Variants in LRBA observed in about 807,000 individuals in gnomAD.
LRBA encodes LPS responsive beige-like anchor protein, also known as lipopolysaccharide-responsive and beige-like anchor protein.
In LRBA, 176 loss-of-function variants were observed where a neutral mutation model predicts 330.0. That is an observed-to-expected ratio of 0.53 (90% CI 0.47 to 0.60). LRBA has a LOEUF of 0.60. Ranked by LOEUF, LRBA falls within the 20% of genes least tolerant of loss-of-function variation. The pLI, the probability that LRBA is intolerant of heterozygous loss-of-function variation, is 0.00. For synonymous variants in LRBA, 1,230 were observed against 1,193.0 expected, an observed-to-expected ratio of 1.03 and a Z score of -0.64; for missense variants, 3,259 against 3,444.8, an observed-to-expected ratio of 0.95 and a Z score of 1.35.
At chr4:151,002,029 C>T (rs1377764458) in intron 2 of LRBA, among the ~76,000 whole-genome samples, 1 of 151,874 alleles carries the variant, frequency 6.6e-6, no homozygotes, top group Non-Finnish European at 1.5e-5. Flanking sequence ...GACTATACTA[C>T]CACACAGACC....
At chr4:150,585,244 A>G (rs1359213153) in intron 40 of LRBA, among the ~76,000 whole-genome samples, 2 of 152,168 alleles carry the variant, frequency 1.3e-5, no homozygotes, top group Non-Finnish European at 2.9e-5. Flanking sequence ...TCCTCTCCCC[A>G]AGCATATGGT....
Position 150,513,509 on chromosome 4 carries a change from C to T in LRBA, c.6331-22474G>A, listed in dbSNP as rs563857401. On this transcript the variant is annotated intron_variant, in intron 40 of 56. Coordinates refer to ENST00000651943, the MANE Select transcript of LRBA (RefSeq NM_001364905.1). ...CTGGGTCCTCATTGGGAACACAGCA[C>T]CCACCTGGGTCTGTTCATGATGCCC... Among the ~76,000 whole-genome samples the T allele has an allele frequency of 4.6e-5, 7 of 152,248 alleles. No individual in the cohort carries two copies. In the South Asian group the frequency reaches 1.5e-3, roughly 32 times the overall value.
At chr4:150,423,128 T>C in intron 46 of LRBA, 1 of 910,130 alleles carries the variant, frequency 1.1e-6, no homozygotes, top group South Asian at 1.3e-5. Context: ...GCCAGGAAGC[T>C]ACCACCACCA....
chr4:150,937,267 G>A (rs1735175204), intron 2 of LRBA, among the ~76,000 whole-genome samples: 1 of 152,066 alleles, frequency 6.6e-6, no homozygotes, highest in African/African-American at 2.4e-5. Context: ...TCTACAGTAT[G>A]TCATGTTAAC....
At chr4:150,449,567 G>C (rs1409349703) in intron 44 of LRBA, among the ~76,000 whole-genome samples, 2 of 150,906 alleles carry the variant, frequency 1.3e-5, no homozygotes, top group Non-Finnish European at 2.9e-5. Context: ...AAATGCCTCT[G>C]TGGCACAGGC....
At chr4:150,325,553 A>C (rs1399274896) in intron 49 of LRBA, among the ~76,000 whole-genome samples, 1 of 152,150 alleles carries the variant, frequency 6.6e-6, no homozygotes, top group East Asian at 1.9e-4. Flanking sequence ...GATTCATGAC[A>C]ATTATGGACC....
intron 56 of LRBA, 69 bp downstream of exon 56, chr4:150,277,784 A>T: frequency 6.7e-7 from 1 of 1,486,502 alleles, no homozygotes; most frequent in Non-Finnish European, 9.3e-7. Context: ...TTACAGGTGT[A>T]AGCCAACACG....
intron 16 of LRBA, among the ~76,000 whole-genome samples, chr4:150,896,084 A>G (rs1034490699): frequency 6.6e-6 from 1 of 152,156 alleles, no homozygotes; most frequent in African/African-American, 2.4e-5. Context: ...TCATTTTCGT[A>G]ATCTATTTTT....
In LRBA at chr4:150,852,555, GA is replaced by G; in HGVS notation, c.3154del (p.Ser1052LeufsTer3). 6.2e-7 allele frequency: 1 copy of G among 1,613,874 alleles called. No individual in the cohort carries two copies. The highest frequency in any genetic ancestry group is 2.2e-5 in the East Asian group (1 of 44,866). ...TRNADDLEVS[S>X]DIIEAVAISS... ...AATAGCCACAGCTTCTATTATGTCA[GA>G]AGATACTTCTAAATCATCTGCATTC... On this transcript the variant is annotated frameshift_variant, in exon 23 of 57. Transcript: ENST00000651943. LOFTEE classifies it high-confidence loss of function.
At chr4:150,576,965 A>AG (rs1241999829) in intron 40 of LRBA, among the ~76,000 whole-genome samples, 5 of 151,942 alleles carry the variant, frequency 3.3e-5, no homozygotes, top group South Asian at 2.1e-4. Flanking sequence ...CTATTTTGTG[A>AG]GGGGGGAAGA....
intron 40 of LRBA, among the ~76,000 whole-genome samples, chr4:150,509,189 T>C (rs1761528162): frequency 6.6e-6 from 1 of 152,034 alleles, no homozygotes; most frequent in Non-Finnish European, 1.5e-5. Context: ...TATTAAAACA[T>C]CACACAGTAC....
At chr4:150,711,798 G>T (rs999184301) in intron 36 of LRBA, among the ~76,000 whole-genome samples, 3 of 152,086 alleles carry the variant, frequency 2.0e-5, no homozygotes, top group African/African-American at 4.8e-5. Flanking sequence ...TGATAATTGG[G>T]ACACAAAGTG....
At chr4:150,837,049 T>G (rs552575503) in intron 28 of LRBA, among the ~76,000 whole-genome samples, 2 of 152,364 alleles carry the variant, frequency 1.3e-5, no homozygotes, top group African/African-American at 4.8e-5. Flanking sequence ...CATTTTGTTA[T>G]GTACCCAGTA....
intron 52 of LRBA, among the ~76,000 whole-genome samples, chr4:150,307,039 T>A (rs965936860): frequency 3.9e-5 from 6 of 152,070 alleles, no homozygotes; most frequent in African/African-American, 1.4e-4. Flanking sequence ...TAAAATTGTG[T>A]GAATATAGGA....
chr4:150,869,519 T>C (rs762759616), intron 20 of LRBA, among the ~76,000 whole-genome samples: 14 of 151,836 alleles, frequency 9.2e-5, no homozygotes, highest in Non-Finnish European at 1.6e-4. Context: ...CGAAATCCCA[T>C]CTCCACAAAA....
At chr4:150,866,551 A>C (rs563943444) in intron 22 of LRBA, among the ~76,000 whole-genome samples, 1 of 152,348 alleles carries the variant, frequency 6.6e-6, no homozygotes, top group South Asian at 2.1e-4. Flanking sequence ...AAACTGATAC[A>C]CTACTTTAGA....
intron 44 of LRBA, among the ~76,000 whole-genome samples, chr4:150,450,908 G>A (rs994096412): frequency 1.3e-5 from 2 of 152,050 alleles, no homozygotes; most frequent in African/African-American, 2.4e-5. Context: ...GCACATGCCT[G>A]TAATCCTAGC....
intron 36 of LRBA, among the ~76,000 whole-genome samples, chr4:150,712,745 T>G (rs1786348798): frequency 6.6e-6 from 1 of 151,814 alleles, no homozygotes; most frequent in South Asian, 2.1e-4. Flanking sequence ...AACAGCAACA[T>G]CCCTAAAAAG....
intron 34 of LRBA, among the ~76,000 whole-genome samples, chr4:150,767,497 T>C (rs1735912464): frequency 6.6e-6 from 1 of 152,110 alleles, no homozygotes; most frequent in African/African-American, 2.4e-5. Flanking sequence ...AAAAATTTTT[T>C]TTCTGTAATC....
Sources: gnomAD v4.1 joint callset for allele counts (sites outside exome capture counted in the v4.1 genomes callset) on GRCh38, gnomAD v4.1.1 for gene constraint, MANE v1.5 for transcripts, NCBI Gene and HGNC (gene_info 2026-07-23, HGNC 2026-07-21) for gene names.